The following SLC39A11 variants were observed in gnomAD, a reference collection of about 807,000 sequenced individuals.
SLC39A11 encodes solute carrier family 39 member 11, also known as zinc transporter ZIP11.
SLC39A11 carries 33 observed loss-of-function variants against 36.1 expected under a neutral mutation model. The observed-to-expected ratio is 0.91, with a 90% CI of 0.69 to 1.22. The LOEUF (loss-of-function observed/expected upper bound fraction) is 1.22. Ranked by LOEUF, SLC39A11 falls within the 50% of genes most tolerant of loss-of-function variation. The pLI is 0.00. For synonymous variants in SLC39A11, 166 were observed against 170.3 expected, an observed-to-expected ratio of 0.97 and a Z score of 0.20; for missense variants, 432 against 430.3, an observed-to-expected ratio of 1.00 and a Z score of -0.03.
intron 5 of SLC39A11, among the ~76,000 whole-genome samples, chr17:72,886,953 A>G (rs749103706): frequency 6.6e-5 from 10 of 152,192 alleles, no homozygotes; most frequent in Non-Finnish European, 1.5e-4. Context: ...CTCAAAACCC[A>G]TCATCTTACA....
rs532813016 is a variant in SLC39A11 at position 72,867,370 on chromosome 17, T to C, written c.431-17566A>G. On this transcript the variant is annotated intron_variant, in intron 5 of 9. Coordinates refer to ENST00000255559, the MANE Select transcript of SLC39A11 (RefSeq NM_139177.4). The stretch of plus-strand genomic sequence containing the variant: ...CAAAAATCAGCCGAGCATGGTGGCA[T>C]GCACCTGTAATCCCAGCTACTCGGG... 8.6e-5 allele frequency among the ~76,000 whole-genome samples: 13 copies of C among 152,042 alleles called. No individual in the cohort carries two copies. In the East Asian group the frequency reaches 2.5e-3, roughly 29 times the overall value.
intron 3 of SLC39A11, among the ~76,000 whole-genome samples, chr17:73,046,130 C>T (rs1336737982): frequency 6.6e-6 from 1 of 152,208 alleles, no homozygotes; most frequent in African/African-American, 2.4e-5. Context: ...TCTCCCCCTT[C>T]ACTCATCTCC....
At chr17:72,819,081 T>A (rs1015655437) in intron 6 of SLC39A11, 3 of 151,966 alleles carry the variant, frequency 2.0e-5, no homozygotes, top group African/African-American at 7.2e-5. Flanking sequence ...CAAATTAATA[T>A]GTGAACGTCC....
At chr17:72,770,359 T>C (rs1056672236) in intron 6 of SLC39A11, among the ~76,000 whole-genome samples, 3 of 152,196 alleles carry the variant, frequency 2.0e-5, no homozygotes, top group Non-Finnish European at 4.4e-5. Context: ...AGTTTCAGTT[T>C]GGGAAGATAA....
rs190481184 is a variant in SLC39A11, at chr17:72,954,100, G to A, written c.307-6225C>T. On this transcript the variant is annotated intron_variant, in intron 4 of 9. Coordinates refer to ENST00000255559, the MANE Select transcript of SLC39A11 (RefSeq NM_139177.4). ...CTCACTCTGTTGCCCAGGCTGGAGT[G>A]CAGTGGTGTGATCTCAGCTCACTGC... 1.4e-3 allele frequency among the ~76,000 whole-genome samples: 220 copies of A among 152,270 alleles called. 1 individual carries two copies. Among genetic ancestry groups the A allele is most frequent in the Non-Finnish European group, 2.7e-3 (185 of 68,032 alleles).
intron 6 of SLC39A11, among the ~76,000 whole-genome samples, chr17:72,781,887 C>CAA (rs4036981): frequency 0.076 from 10,461 of 136,788 alleles, 395 homozygotes; most frequent in African/African-American, 0.091. Context: ...CATCACCATC[C>CAA]AAAAAAAAAA....
chr17:72,780,052 T>A lies in SLC39A11; in HGVS notation c.602-43333A>T, dbSNP rs550944095. Among the ~76,000 whole-genome samples, 5 of 152,264 alleles carry A rather than the reference T, an allele frequency of 3.3e-5. No homozygotes were observed. In the East Asian group the frequency reaches 5.8e-4, roughly 18 times the overall value. ...AATTGTGTTGGTCAAGCATTGACCATCCCCTTGGTCAGTGTACTCAAGGAT... is the reference window on the plus strand; with the variant it reads ...AATTGTGTTGGTCAAGCATTGACCAACCCCTTGGTCAGTGTACTCAAGGAT... On this transcript the variant is annotated intron_variant, in intron 6 of 9. Transcript: ENST00000255559.
At chr17:72,834,807 G>A (rs549177172) in intron 6 of SLC39A11, among the ~76,000 whole-genome samples, 2 of 152,154 alleles carry the variant, frequency 1.3e-5, no homozygotes, top group South Asian at 4.1e-4. Flanking sequence ...TAATAGGTAG[G>A]AGGATGGCAT....
In SLC39A11 at chr17:72,752,263, A is replaced by C. The variant is rs375931774; in HGVS notation, c.602-15544T>G. 2.6e-5 allele frequency among the ~76,000 whole-genome samples: 4 copies of C among 152,056 alleles called. No homozygotes were observed. In the East Asian group the frequency reaches 5.8e-4, roughly 22 times the overall value. ...TCTTTTTTTCTGTTTTTTCTTTCTTAAGATGGAGTCTCGCTCTGTCACCCG... is the reference window on the plus strand; with the variant it reads ...TCTTTTTTTCTGTTTTTTCTTTCTTCAGATGGAGTCTCGCTCTGTCACCCG... On this transcript the variant is annotated intron_variant, in intron 6 of 9. Coordinates refer to ENST00000255559, the MANE Select transcript of SLC39A11 (RefSeq NM_139177.4).
chr17:73,015,100 C>T (rs555018988), intron 4 of SLC39A11, among the ~76,000 whole-genome samples: 7 of 152,312 alleles, frequency 4.6e-5, no homozygotes, highest in South Asian at 4.1e-4. Flanking sequence ...TACTGAGTTT[C>T]CATCCTACTC....
intron 4 of SLC39A11, among the ~76,000 whole-genome samples, chr17:73,010,361 G>C (rs1023244190): frequency 6.6e-6 from 1 of 152,082 alleles, no homozygotes; most frequent in Admixed American, 6.6e-5. Flanking sequence ...AATAGGAGAA[G>C]ACTTGGGCTT....
At chr17:73,015,162 T>C (rs893858522) in intron 4 of SLC39A11, among the ~76,000 whole-genome samples, 7 of 152,222 alleles carry the variant, frequency 4.6e-5, no homozygotes, top group Non-Finnish European at 1.0e-4. Flanking sequence ...TGCCCTGTAC[T>C]GTTTTTTCTT....
chr17:72,666,881 T>TCCTA (rs2070778354), intron 7 of SLC39A11, among the ~76,000 whole-genome samples: 1 of 152,220 alleles, frequency 6.6e-6, no homozygotes, highest in Non-Finnish European at 1.5e-5. Context: ...GAATGATTAT[T>TCCTA]CCTATTCCTT....
At chr17:72,711,192 T>C (rs1369843979) in intron 7 of SLC39A11, among the ~76,000 whole-genome samples, 4 of 152,152 alleles carry the variant, frequency 2.6e-5, no homozygotes, top group Non-Finnish European at 5.9e-5. Flanking sequence ...CCTTATCCAT[T>C]CCTCAATAGG....
chr17:73,028,806 G>A (rs1399309643), intron 4 of SLC39A11, among the ~76,000 whole-genome samples: 2 of 78,168 alleles, frequency 2.6e-5, no homozygotes, highest in South Asian at 1.0e-3. Flanking sequence ...GAACCAAAAG[G>A]TTTAAAAAAA....
At chr17:72,960,203 G>A (rs942925320) in intron 4 of SLC39A11, among the ~76,000 whole-genome samples, 4 of 152,124 alleles carry the variant, frequency 2.6e-5, no homozygotes, top group African/African-American at 4.8e-5. Flanking sequence ...TTATCCAGGG[G>A]AAAAGGCACT....
intron 6 of SLC39A11, among the ~76,000 whole-genome samples, chr17:72,751,796 C>T (rs556212238): frequency 2.0e-5 from 3 of 152,276 alleles, no homozygotes; most frequent in Non-Finnish European, 2.9e-5. Context: ...AGGCTGGTCT[C>T]GAACCCCTGG....
At chr17:72,877,773 T>C (rs1344377302) in intron 5 of SLC39A11, among the ~76,000 whole-genome samples, 1 of 152,188 alleles carries the variant, frequency 6.6e-6, no homozygotes. Flanking sequence ...GAGCACGTGA[T>C]GGCACTGGCC....
chr17:73,071,010 C>G (rs1386338121), intron 3 of SLC39A11, among the ~76,000 whole-genome samples: 1 of 152,176 alleles, frequency 6.6e-6, no homozygotes, highest in Non-Finnish European at 1.5e-5. Context: ...CCCTCCACCC[C>G]CCAACCTCAG....
Sources: allele counts gnomAD v4.1 joint callset (sites outside exome capture counted in the v4.1 genomes callset), GRCh38; gene constraint gnomAD v4.1.1; transcripts MANE v1.5; gene names NCBI Gene and HGNC (gene_info 2026-07-23, HGNC 2026-07-21).